NTRK3: variants seen among roughly 807,000 people sequenced by gnomAD.
The protein encoded by NTRK3 is NT-3 growth factor receptor.
A neutral mutation model predicts 91.7 loss-of-function variants in NTRK3; 24 were observed. The observed-to-expected ratio is 0.26, with a 90% CI of 0.19 to 0.37. The LOEUF (loss-of-function observed/expected upper bound fraction) is 0.37. NTRK3 is among the 10% of genes least tolerant of loss of function. NTRK3 has a pLI of 1.00. For missense variants in NTRK3, 880 were observed against 1,068.9 expected (o/e 0.82, Z 2.46); for synonymous variants, 483 against 404.0 (o/e 1.20, Z -2.34).
intron 13 of NTRK3, among the ~76,000 whole-genome samples, chr15:88,117,238 G>A (rs1423671739): frequency 6.6e-6 from 1 of 152,218 alleles, no homozygotes; most frequent in African/African-American, 2.4e-5. Flanking sequence ...ATGACCTTGA[G>A]TGATTTAACC....
chr15:88,079,260 C>T (rs771986261), intron 13 of NTRK3, among the ~76,000 whole-genome samples: 2 of 152,172 alleles, frequency 1.3e-5, no homozygotes, highest in South Asian at 4.1e-4. Context: ...TCATCAAAGA[C>T]GATCAGCGTT....
chr15:88,193,135 C>T (rs1222695440), intron 3 of NTRK3, among the ~76,000 whole-genome samples: 2 of 152,116 alleles, frequency 1.3e-5, no homozygotes. Context: ...TGTAGCCACC[C>T]AGCTGCCCCA....
chr15:88,251,633 C>T (rs530929409), intron 3 of NTRK3, among the ~76,000 whole-genome samples: 2 of 152,386 alleles, frequency 1.3e-5, no homozygotes, highest in South Asian at 4.1e-4. Flanking sequence ...AAAGGAGGGC[C>T]TCAGGCTACC....
chr15:88,147,508 T>C (rs765836664), intron 5 of NTRK3, 105 bp from the exon 6 acceptor site: 31 of 30,176 alleles, frequency 1.0e-3, no homozygotes, highest in African/African-American at 2.2e-3. Context: ...TTGTTTTCCT[T>C]CTTCTTCTTC....
At chr15:87,980,433 TTG>T (rs1233459329) in intron 14 of NTRK3, among the ~76,000 whole-genome samples, 3 of 152,050 alleles carry the variant, frequency 2.0e-5, no homozygotes, top group South Asian at 2.1e-4. Context: ...ATCTGTATGT[TTG>T]TGTTTGCATG....
At chr15:88,099,628 G>A (rs1277486116) in intron 13 of NTRK3, among the ~76,000 whole-genome samples, 1 of 152,146 alleles carries the variant, frequency 6.6e-6, no homozygotes, top group African/African-American at 2.4e-5. Context: ...AAGAGCCTGG[G>A]TGCTAGCCGG....
rs192786454 is a variant in NTRK3 at position 87,962,458 on chromosome 15, C to T, written c.1586-21705G>A. On this transcript the variant is annotated intron_variant, in intron 14 of 18. Transcript: ENST00000394480. ...TGTTGAAGCCACAGCATGGGCTTTG[C>T]TGTCACCGCTGAGGGCTGCTAGAGA... Among the ~76,000 whole-genome samples, 24 of 152,358 alleles carry T rather than the reference C, an allele frequency of 1.6e-4. No individual in the cohort carries two copies. The East Asian group carries it at 4.4e-3, about 28-fold the overall frequency.
At chr15:88,020,729 G>A (rs1395008293) in intron 14 of NTRK3, among the ~76,000 whole-genome samples, 1 of 152,144 alleles carries the variant, frequency 6.6e-6, no homozygotes, top group East Asian at 1.9e-4. Context: ...GTCATGCAGT[G>A]GCTGAGTGGT....
chr15:88,142,033 T>C (rs547822554), intron 6 of NTRK3, among the ~76,000 whole-genome samples: 1 of 152,304 alleles, frequency 6.6e-6, no homozygotes, highest in African/African-American at 2.4e-5. Context: ...GCAGAAAACA[T>C]TTTGAGTCTT....
chr15:87,977,124 C>T (rs1158256080), intron 14 of NTRK3, among the ~76,000 whole-genome samples: 2 of 152,290 alleles, frequency 1.3e-5, no homozygotes, highest in South Asian at 2.1e-4. Flanking sequence ...CCTCTCTGAG[C>T]CTCTAATTCT....
intron 10 of NTRK3, among the ~76,000 whole-genome samples, chr15:88,133,741 G>A (rs975898175): frequency 6.6e-6 from 1 of 152,178 alleles, no homozygotes; most frequent in South Asian, 2.1e-4. Context: ...TGTGACCCAG[G>A]AGGGGAAGTG....
intron 3 of NTRK3, among the ~76,000 whole-genome samples, chr15:88,217,400 A>G (rs1419491044): frequency 6.6e-6 from 1 of 152,248 alleles, no homozygotes; most frequent in Admixed American, 6.5e-5. Flanking sequence ...AATACACACC[A>G]TGGACTACTA....
chr15:88,217,764 A>AT (rs57874235), intron 3 of NTRK3, among the ~76,000 whole-genome samples: 20 of 143,766 alleles, frequency 1.4e-4, no homozygotes, highest in South Asian at 4.4e-4. Flanking sequence ...TTGTAGCACA[A>AT]TTTTTTTTTT....
At chr15:88,202,596 T>C (rs1217748920) in intron 3 of NTRK3, among the ~76,000 whole-genome samples, 2 of 152,154 alleles carry the variant, frequency 1.3e-5, no homozygotes, top group African/African-American at 4.8e-5. Context: ...ATCTTCAGGG[T>C]GTGGCCAGTT....
chr15:88,056,859 T>C (rs1024307412), intron 13 of NTRK3, among the ~76,000 whole-genome samples: 71 of 152,336 alleles, frequency 4.7e-4, no homozygotes, highest in Middle Eastern at 3.4e-3. Context: ...ATCTCATTCA[T>C]ATGGTATCAA....
chr15:87,933,485 A>G (rs183598417), intron 15 of NTRK3, among the ~76,000 whole-genome samples: 12 of 152,366 alleles, frequency 7.9e-5, no homozygotes, highest in African/African-American at 2.4e-4. Context: ...TGTACATGGC[A>G]GCTGGAGGGG....
chr15:87,967,096 T>G (rs1346704248), intron 14 of NTRK3, among the ~76,000 whole-genome samples: 1 of 152,216 alleles, frequency 6.6e-6, no homozygotes. Context: ...GCAGAGTGTG[T>G]GGCACAGAGT....
At chr15:87,876,740 TG>T in exon 19 of NTRK3, 1 of 422,838 alleles carries the variant, frequency 2.4e-6, no homozygotes, top group African/African-American at 2.0e-5. Flanking sequence ...TATATATATT[TG>T]CCAAACTGCC....
chr15:88,053,764 CTAGA>C (rs2045439378), intron 13 of NTRK3, among the ~76,000 whole-genome samples: 1 of 152,044 alleles, frequency 6.6e-6, no homozygotes, highest in Non-Finnish European at 1.5e-5. Flanking sequence ...ATAGCCAGGG[CTAGA>C]TAAATATTAG....
Sources: allele counts gnomAD v4.1 joint callset (sites outside exome capture counted in the v4.1 genomes callset), GRCh38; gene constraint gnomAD v4.1.1; transcripts MANE v1.5; gene names NCBI Gene and HGNC (gene_info 2026-07-23, HGNC 2026-07-21).